Variants in SMAP2 observed in about 807,000 individuals in gnomAD.
SMAP2 encodes the protein small ArfGAP2.
A neutral mutation model predicts 56.4 loss-of-function variants in SMAP2; 25 were observed. That is an observed-to-expected ratio of 0.44 (90% CI 0.32 to 0.62). The LOEUF is 0.62. Ranked by LOEUF, SMAP2 falls within the 20% of genes least tolerant of loss-of-function variation. SMAP2 has a pLI of 0.04. For synonymous variants in SMAP2, 157 were observed against 181.7 expected, an observed-to-expected ratio of 0.86 and a Z score of 1.09; for missense variants, 388 against 545.6, an observed-to-expected ratio of 0.71 and a Z score of 2.88.
intron 1 of SMAP2, among the ~76,000 whole-genome samples, chr1:40,358,479 G>A (rs1328184465): frequency 6.6e-6 from 1 of 152,108 alleles, no homozygotes; most frequent in Admixed American, 6.5e-5. Flanking sequence ...AGGGGGCGGA[G>A]GTTACAGTAA....
In SMAP2 at chr1:40,416,960, T is replaced by C; in HGVS notation, c.1028T>C (p.Met343Thr). The change falls in exon 9 of 10, where the codon ATG becomes ACG. Residue 343 changes from methionine (M) to threonine (T), a missense_variant. By Grantham distance (81) the Met-to-Thr change is moderately conservative. Transcript: ENST00000372718. ...ATGCCTGCAGGCTATATGGGTGGCA[T>C]GCAGGCATCAATGATGGGTGTGCCG... Reference protein sequence around the residue: ...MAMPAGYMGGMQASMMGVPNG... With the variant: ...MAMPAGYMGGTQASMMGVPNG... The C allele has an allele frequency of 2.5e-6, 4 of 1,614,214 alleles. No homozygotes were observed. Among genetic ancestry groups the C allele is most frequent in the Non-Finnish European group, 3.4e-6 (4 of 1,180,038 alleles).
chr1:40,353,719 A>T (rs776254023), intron 1 of SMAP2, among the ~76,000 whole-genome samples: 1 of 151,846 alleles, frequency 6.6e-6, no homozygotes, highest in Non-Finnish European at 1.5e-5. Flanking sequence ...TCTGATTTAT[A>T]CACCTAGAGT....
At chr1:40,346,494 C>T (rs535079408) in intron 1 of SMAP2, among the ~76,000 whole-genome samples, 120 of 151,862 alleles carry the variant, frequency 7.9e-4, no homozygotes, top group Middle Eastern at 6.8e-3. Flanking sequence ...CTCAGTCTTC[C>T]GAGTACCTGG....
At chr1:40,403,745 A>G (rs939042089) in intron 1 of SMAP2, 9 of 719,824 alleles carry the variant, frequency 1.3e-5, no homozygotes, top group Non-Finnish European at 1.5e-5. Flanking sequence ...GGCTCAGGAA[A>G]TGTAAGTATC....
At chr1:40,346,776 C>T (rs1445252015) in intron 1 of SMAP2, among the ~76,000 whole-genome samples, 1 of 151,556 alleles carries the variant, frequency 6.6e-6, no homozygotes, top group East Asian at 1.9e-4. Flanking sequence ...ATGCATAGTT[C>T]CCTGTATATT....
At chr1:40,387,601 A>G (rs1000082050) in intron 1 of SMAP2, among the ~76,000 whole-genome samples, 3 of 143,142 alleles carry the variant, frequency 2.1e-5, no homozygotes, top group African/African-American at 7.5e-5. Flanking sequence ...TAAGGGACCT[A>G]AGGAACATAA....
intron 1 of SMAP2, among the ~76,000 whole-genome samples, chr1:40,404,709 C>G (rs1352459027): frequency 6.6e-6 from 1 of 152,218 alleles, no homozygotes; most frequent in East Asian, 1.9e-4. Flanking sequence ...GAAATATTAA[C>G]TTGGTGCCAT....
chr1:40,414,639 G>A (rs1327466526), intron 6 of SMAP2, among the ~76,000 whole-genome samples: 1 of 152,102 alleles, frequency 6.6e-6, no homozygotes, highest in African/African-American at 2.4e-5. Context: ...CCCATGCCTG[G>A]CACATACTGA....
chr1:40,374,694 A>C lies in SMAP2; in HGVS notation c.103+471A>C. 6.4e-7 allele frequency: 1 copy of C among 1,550,396 alleles called. No homozygotes were observed. ...GAGATGGCGGAAAGGAAAACTGCTT[A>C]AATGATTTTTAAAGGTGGTGATTTT... is the stretch of plus-strand genomic sequence containing the variant. On this transcript the variant is annotated intron_variant, in intron 1 of 9. Coordinates refer to ENST00000372718, the MANE Select transcript of SMAP2 (RefSeq NM_022733.3). This position sits in a 1 kb window ranked among gnomAD's most constrained non-coding sequence, Gnocchi z 5.9.
chr1:40,351,721 C>G (rs1644410021), intron 1 of SMAP2, among the ~76,000 whole-genome samples: 1 of 152,110 alleles, frequency 6.6e-6, no homozygotes, highest in Non-Finnish European at 1.5e-5. Context: ...AGGCTCGTCT[C>G]GAACTCCTAA....
At chr1:40,379,452 A>C (rs1172302972) in intron 1 of SMAP2, among the ~76,000 whole-genome samples, 1 of 151,530 alleles carries the variant, frequency 6.6e-6, no homozygotes, top group East Asian at 2.0e-4. Flanking sequence ...ATGCACATTG[A>C]GGAGTGCTTT....
At chr1:40,414,704 A>G (rs1055776151) in intron 6 of SMAP2, among the ~76,000 whole-genome samples, 4 of 152,142 alleles carry the variant, frequency 2.6e-5, no homozygotes, top group African/African-American at 7.2e-5. Context: ...CCTCATGTCA[A>G]TTCCCTGTAC....
intron 1 of SMAP2, among the ~76,000 whole-genome samples, chr1:40,359,306 T>C (rs1350563874): frequency 6.6e-6 from 1 of 152,200 alleles, no homozygotes; most frequent in African/African-American, 2.4e-5. Flanking sequence ...TTTCCCCATG[T>C]TGTCCAGGCT....
At chr1:40,346,972 C>T (rs564011822) in intron 1 of SMAP2, among the ~76,000 whole-genome samples, 1 of 152,162 alleles carries the variant, frequency 6.6e-6, no homozygotes, top group South Asian at 2.1e-4. Flanking sequence ...GTCTCAACCT[C>T]CCGAAGTGCT....
At chr1:40,388,201 C>T (rs546267809) in intron 1 of SMAP2, among the ~76,000 whole-genome samples, 10 of 152,304 alleles carry the variant, frequency 6.6e-5, no homozygotes, top group African/African-American at 1.9e-4. Context: ...CCACGGCACC[C>T]GGTCCCATCA....
intron 9 of SMAP2, among the ~76,000 whole-genome samples, chr1:40,419,293 T>C (rs1645019777): frequency 1.3e-5 from 2 of 150,928 alleles, no homozygotes; most frequent in Non-Finnish European, 3.0e-5. Flanking sequence ...TTTTTTTTTT[T>C]TTTTTGAGAC....
intron 4 of SMAP2, 118 bp from the exon 5 acceptor site, chr1:40,412,898 C>A: frequency 1.4e-6 from 1 of 710,586 alleles, no homozygotes; most frequent in Non-Finnish European, 2.3e-6. Flanking sequence ...GCTTGTCAGA[C>A]ACTTACGTCA....
chr1:40,421,855 C>G (rs1359162822), intron 9 of SMAP2, 121 bp from the exon 10 acceptor site: 1 of 1,154,080 alleles, frequency 8.7e-7, no homozygotes. Context: ...CTGTCCATAA[C>G]AGAGTTTCCC....
intron 1 of SMAP2, among the ~76,000 whole-genome samples, chr1:40,395,260 TA>T (rs1644758656): frequency 6.6e-6 from 1 of 152,200 alleles, no homozygotes; most frequent in Admixed American, 6.5e-5. Context: ...ATTGAATTGA[TA>T]ATAATGATAC....
Sources: allele counts gnomAD v4.1 joint callset (sites outside exome capture counted in the v4.1 genomes callset), GRCh38; gene constraint gnomAD v4.1.1; non-coding constraint Gnocchi (gnomAD v3.1); transcripts MANE v1.5; gene names NCBI Gene and HGNC (gene_info 2026-07-23, HGNC 2026-07-21).